Variants in GNA11 observed in about 807,000 individuals in gnomAD.
GNA11 encodes G protein subunit alpha 11.
A neutral mutation model predicts 38.2 loss-of-function variants in GNA11; 8 were observed. The ratio of observed to expected loss-of-function variants is 0.21; its 90% CI spans 0.12 to 0.38. The LOEUF is 0.38. Ranked by LOEUF, GNA11 falls within the 10% of genes least tolerant of loss-of-function variation. GNA11 has a pLI of 1.00. For synonymous variants in GNA11, 211 were observed against 221.4 expected, an observed-to-expected ratio of 0.95 and a Z score of 0.42; for missense variants, 268 against 516.3, an observed-to-expected ratio of 0.52 and a Z score of 4.66.
In GNA11 at chr19:3,108,600, G is replaced by A. The variant is rs1913691638; in HGVS notation, c.137-1549G>A. On this transcript the variant is annotated intron_variant, in intron 1 of 6. Coordinates refer to ENST00000078429, the MANE Select transcript of GNA11 (RefSeq NM_002067.5). The surrounding 1 kb of genome is among the most constrained non-coding windows in gnomAD (Gnocchi z 4.5). Reference sequence around the variant, plus strand: ...CTAGGGCACCGGGGGCCTGAGCAAGGTTAATACCTGAGTAGAGAGTTGAGG... The same window carrying A: ...CTAGGGCACCGGGGGCCTGAGCAAGATTAATACCTGAGTAGAGAGTTGAGG... Among the ~76,000 whole-genome samples, 1 of 152,196 alleles carries A rather than the reference G, an allele frequency of 6.6e-6. No homozygotes were observed. The highest frequency in any genetic ancestry group is 2.4e-5 in the African/African-American group (1 of 41,430).
intron 1 of GNA11, among the ~76,000 whole-genome samples, chr19:3,097,418 C>T (rs1913399869): frequency 6.6e-6 from 1 of 152,162 alleles, no homozygotes; most frequent in South Asian, 2.1e-4. Context: ...AGGCAGGGGC[C>T]TGCCACCACA....
Position 3,121,325 on chromosome 19 carries a change from A to G in GNA11, c.*146A>G. The stretch of plus-strand genomic sequence containing the variant: ...GATTTTTTTTTTTCATATTTTTAAC[A>G]AATGGTTTTTATTTCACAGTTATCA... On this transcript the variant is annotated 3_prime_UTR_variant, in exon 7 of 7. Transcript: ENST00000078429. The G allele has an allele frequency of 1.7e-6, 1 of 599,456 alleles. No homozygotes were observed. Among genetic ancestry groups the G allele is most frequent in the Non-Finnish European group, 3.0e-6 (1 of 336,920 alleles). 37.1% of individuals were successfully genotyped at this position (599,456 alleles called of 1,614,324 possible).
chr19:3,103,928 G>T (rs774744997), intron 1 of GNA11, among the ~76,000 whole-genome samples: 2 of 151,962 alleles, frequency 1.3e-5, no homozygotes, highest in South Asian at 2.1e-4. Context: ...CTCGTGATCC[G>T]CCCACCTTGG....
rs1051141000 is a variant in GNA11 at position 3,120,456 on chromosome 19, G to A, written c.890-533G>A. ...CGGGGCAGGCAGGAGTTACTGGGCG[G>A]GTCGCCTGCATTGTCCAGGGTGGTG... On this transcript the variant is annotated intron_variant, in intron 6 of 6. Coordinates refer to ENST00000078429, the MANE Select transcript of GNA11 (RefSeq NM_002067.5). The surrounding 1 kb of genome is among the most constrained non-coding windows in gnomAD (Gnocchi z 5.9). Among the ~76,000 whole-genome samples the A allele has an allele frequency of 5.3e-5, 8 of 152,074 alleles. No homozygotes were observed. The highest frequency in any genetic ancestry group is 1.2e-4 in the African/African-American group (5 of 41,432).
At chr19:3,115,095 CG>C (rs1568283624) in intron 4 of GNA11, 23 bp downstream of exon 4, 1 of 1,607,816 alleles carries the variant, frequency 6.2e-7, no homozygotes, top group Non-Finnish European at 8.5e-7. Context: ...CCACAGCAGG[CG>C]GGGAGGGGGC....
intron 1 of GNA11, among the ~76,000 whole-genome samples, chr19:3,096,337 C>T (rs1031676001): frequency 6.6e-6 from 1 of 152,198 alleles, no homozygotes; most frequent in African/African-American, 2.4e-5. Flanking sequence ...ATGTGCAGTG[C>T]GGCCCGCGTG....
rs1352658085 is a variant in GNA11 at position 3,119,572 on chromosome 19, C to T, written c.889+213C>T. Among the ~76,000 whole-genome samples the T allele has an allele frequency of 6.7e-6, 1 of 148,554 alleles. No homozygotes were observed. Among genetic ancestry groups the T allele is most frequent in the Admixed American group, 6.8e-5 (1 of 14,758 alleles). On this transcript the variant is annotated intron_variant, in intron 6 of 6. Coordinates refer to ENST00000078429, the MANE Select transcript of GNA11 (RefSeq NM_002067.5). This position sits in a 1 kb window ranked among gnomAD's most constrained non-coding sequence, Gnocchi z 4.6. ...AGTTCTCCGACGCGGGTGTCTCATA[C>T]CCGTGGGAGATCTGTTAATGCAGGG...
Position 3,123,873 on chromosome 19 carries a change from C to A in GNA11, c.*2694C>A, listed in dbSNP as rs186040520. On this transcript the variant is annotated 3_prime_UTR_variant, in exon 7 of 7. Coordinates refer to ENST00000078429, the MANE Select transcript of GNA11 (RefSeq NM_002067.5). ...GGGGATGGGAGGAGGGGCTGAGGAG[C>A]GGCTCAGTGTCACCTCCCACAGCCA... The A allele has an allele frequency of 4.3e-6, 1 of 232,206 alleles. No individual in the cohort carries two copies. The highest frequency in any genetic ancestry group is 5.6e-5 in the Admixed American group (1 of 17,742). The allele number at this position is 232,206 out of a possible 1,614,324, so 14.4% of individuals were successfully genotyped here. A position where few individuals can be genotyped will look rare whatever the true frequency, so the allele number is the denominator to read the frequency against.
In GNA11 at chr19:3,119,024, G is replaced by A. The variant is rs2145326325; in HGVS notation, c.706G>A (p.Asp236Asn). The A allele has an allele frequency of 1.2e-6, 2 of 1,613,922 alleles. No individual in the cohort carries two copies. Among genetic ancestry groups the A allele is most frequent in the Non-Finnish European group, 8.5e-7 (1 of 1,179,936 alleles). ...GTTTCTCGTCGCCCTCAGCGAATAC[G>A]ACCAAGTCCTGGTGGAGTCGGACAA... is the stretch of plus-strand genomic sequence containing the variant. ...IMFLVALSEYDQVLVESDNEN... is the reference protein window; with the variant it reads ...IMFLVALSEYNQVLVESDNEN... The change falls in exon 5 of 7, where the codon GAC becomes AAC. Residue 236 changes from aspartate (D) to asparagine (N), a missense_variant. Physicochemically the swap from Asp to Asn is conservative, Grantham distance 23. This residue lies in a region of GNA11 where 25 missense variants were observed against 95.6 expected (regional missense o/e 0.26). Transcript: ENST00000078429. The surrounding 1 kb of genome is among the most constrained non-coding windows in gnomAD (Gnocchi z 4.6).
intron 1 of GNA11, among the ~76,000 whole-genome samples, chr19:3,105,019 C>T (rs1239036589): frequency 3.3e-5 from 5 of 151,852 alleles, no homozygotes; most frequent in Non-Finnish European, 5.9e-5. Context: ...CAGCTCCAGA[C>T]CCAGTCTGAG....
intron 1 of GNA11, among the ~76,000 whole-genome samples, chr19:3,105,941 G>A (rs551980236): frequency 6.6e-6 from 1 of 152,312 alleles, no homozygotes; most frequent in South Asian, 2.1e-4. Context: ...GGCTGTGGAC[G>A]AGTCCAGAGT....
chr19:3,109,283 A>G (rs1407581718), intron 1 of GNA11, among the ~76,000 whole-genome samples: 2 of 152,168 alleles, frequency 1.3e-5, no homozygotes, highest in African/African-American at 4.8e-5. Flanking sequence ...GAGGACCCCC[A>G]TGTCACCCAG....
intron 1 of GNA11, among the ~76,000 whole-genome samples, chr19:3,105,565 C>G (rs1337500937): frequency 1.3e-5 from 2 of 152,144 alleles, no homozygotes; most frequent in Non-Finnish European, 2.9e-5. Context: ...TGAAAGAGCC[C>G]CCCAAGAGCT....
Position 3,119,490 on chromosome 19 carries a change from T to G in GNA11, c.889+131T>G. The G allele has an allele frequency of 2.9e-6, 2 of 698,642 alleles. No individual in the cohort carries two copies. Among genetic ancestry groups the G allele is most frequent in the Non-Finnish European group, 4.6e-6 (2 of 438,130 alleles). 43.3% of individuals were successfully genotyped at this position (698,642 alleles called of 1,614,324 possible). On this transcript the variant is annotated intron_variant, in intron 6 of 6. Coordinates refer to ENST00000078429, the MANE Select transcript of GNA11 (RefSeq NM_002067.5). This position sits in a 1 kb window ranked among gnomAD's most constrained non-coding sequence, Gnocchi z 4.6. ...GGCGTCTGATGGGAGGTGTCATGTATGGGAGTGGAGTCTCAGGGAAGGGAG... is the reference window on the plus strand; with the variant it reads ...GGCGTCTGATGGGAGGTGTCATGTAGGGGAGTGGAGTCTCAGGGAAGGGAG...
At chr19:3,100,183 C>G (rs902178665) in intron 1 of GNA11, among the ~76,000 whole-genome samples, 1 of 152,170 alleles carries the variant, frequency 6.6e-6, no homozygotes, top group African/African-American at 2.4e-5. Flanking sequence ...AGCCTCGGCT[C>G]CGTGGGTGTT....
In GNA11 at chr19:3,122,656, GATCGCCTGTGCTGCCTTCGCCCGCC is replaced by G. The variant is rs1914113062; in HGVS notation, c.*1478_*1502del. On this transcript the variant is annotated 3_prime_UTR_variant, in exon 7 of 7. Transcript: ENST00000078429. The surrounding 1 kb of genome is among the most constrained non-coding windows in gnomAD (Gnocchi z 7.7). ...GCTTCGCACAGCTGTCCCAGGGATG[GATCGCCTGTGCTGCCTTCGCCCGCC>G]GCCACACCGGGACCCTGCACGGCTG... 1 of 233,494 alleles carries G rather than the reference GATCGCCTGTGCTGCCTTCGCCCGCC, an allele frequency of 4.3e-6. No homozygotes were observed. Among genetic ancestry groups the G allele is most frequent in the Non-Finnish European group, 8.5e-6 (1 of 118,240 alleles). The allele number at this position is 233,494 out of a possible 1,614,324, so 14.5% of individuals were successfully genotyped here.
chr19:3,123,486 G>A lies in GNA11; in HGVS notation c.*2307G>A, dbSNP rs149543202. The A allele has an allele frequency of 5.8e-4, 136 of 233,344 alleles. No individual in the cohort carries two copies. In the East Asian group the frequency reaches 7.7e-3, roughly 13 times the overall value. 14.5% of individuals were successfully genotyped at this position (233,344 alleles called of 1,614,324 possible). On this transcript the variant is annotated 3_prime_UTR_variant, in exon 7 of 7. Coordinates refer to ENST00000078429, the MANE Select transcript of GNA11 (RefSeq NM_002067.5). ...CAGCCAACCCCCACCCTTGCCACGT[G>A]TGGGGCCACGTGGGCATGTGGGGTG...
At chr19:3,106,420 G>A (rs1051953361) in intron 1 of GNA11, among the ~76,000 whole-genome samples, 2 of 152,258 alleles carry the variant, frequency 1.3e-5, no homozygotes, top group Non-Finnish European at 2.9e-5. Context: ...CACGTTGCCT[G>A]GCTTGAGTGC....
At chr19:3,109,300 TGGGG>T (rs1913708532) in intron 1 of GNA11, among the ~76,000 whole-genome samples, 3 of 152,046 alleles carry the variant, frequency 2.0e-5, no homozygotes, top group Non-Finnish European at 2.9e-5. Context: ...CCAGAATGTG[TGGGG>T]GGCTCATCTG....
Sources: gnomAD v4.1 joint callset for allele counts (sites outside exome capture counted in the v4.1 genomes callset) on GRCh38, gnomAD v4.1.1 for gene constraint, gnomAD v4.1.1 regional missense constraint, Gnocchi (gnomAD v3.1) non-coding constraint, MANE v1.5 for transcripts, NCBI Gene and HGNC (gene_info 2026-07-23, HGNC 2026-07-21) for gene names.